The following TTK variants were observed in gnomAD, a reference collection of about 807,000 sequenced individuals.
TTK encodes the protein dual specificity protein kinase TTK.
Under a neutral mutation model 117.3 loss-of-function variants are expected in TTK, and 59 were observed. That is an observed-to-expected ratio of 0.50 (90% CI 0.41 to 0.62). The LOEUF is 0.62. TTK is among the 20% of genes least tolerant of loss of function. The pLI is 0.00. For synonymous variants in TTK, 302 were observed against 325.0 expected, an observed-to-expected ratio of 0.93 and a Z score of 0.76; for missense variants, 921 against 989.4, an observed-to-expected ratio of 0.93 and a Z score of 0.93.
At chr6:80,015,576 A>C (rs1004591693) in intron 10 of TTK, among the ~76,000 whole-genome samples, 1 of 152,170 alleles carries the variant, frequency 6.6e-6, no homozygotes, top group Admixed American at 6.5e-5. Context: ...GACACACACA[A>C]AAAAACATTA....
At chr6:80,036,448 A>G (rs1767908463) in intron 16 of TTK, 27 bp from the exon 17 acceptor site, 2 of 1,586,738 alleles carry the variant, frequency 1.3e-6, no homozygotes, top group Admixed American at 1.8e-5. Context: ...GCATTGTTTA[A>G]TATTACAGTG....
At chr6:80,014,429 T>A in intron 9 of TTK, 34 bp from the exon 10 acceptor site, 1 of 1,572,636 alleles carries the variant, frequency 6.4e-7, no homozygotes, top group Admixed American at 1.8e-5. Context: ...TACTACTATT[T>A]ATGGGACTTT....
chr6:80,006,179 G>C (rs763712704), intron 2 of TTK, 197 bp downstream of exon 2: 7 of 631,686 alleles, frequency 1.1e-5, no homozygotes, highest in South Asian at 1.1e-4. Context: ...GCACATGGTA[G>C]GTAGGCACTT....
Position 80,028,084 on chromosome 6 carries a change from C to G in TTK, c.1521+73C>G, listed in dbSNP as rs900821211. On this transcript the variant is annotated intron_variant, in intron 13 of 21. Coordinates refer to ENST00000369798, the MANE Select transcript of TTK (RefSeq NM_003318.5). ...TTTACAGCTTTTATTTTTATAGCATCTAGTTATCAAGAAAGGTCTTAAGAA... is the reference window on the plus strand; with the variant it reads ...TTTACAGCTTTTATTTTTATAGCATGTAGTTATCAAGAAAGGTCTTAAGAA... The G allele has an allele frequency of 2.8e-6, 4 of 1,425,496 alleles. No homozygotes were observed. The African/African-American group carries it at 5.9e-5, about 21-fold the overall frequency. The allele number at this position is 1,425,496 out of a possible 1,614,324, so 88.3% of individuals were successfully genotyped here.
chr6:80,022,764 C>T (rs1255737451), intron 11 of TTK, among the ~76,000 whole-genome samples: 3 of 152,072 alleles, frequency 2.0e-5, no homozygotes, highest in African/African-American at 7.2e-5. Context: ...CTTACTGGAA[C>T]ACTGACACAC....
At chr6:80,006,732 G>A (rs1767004145) in intron 2 of TTK, among the ~76,000 whole-genome samples, 1 of 152,126 alleles carries the variant, frequency 6.6e-6, no homozygotes, top group African/African-American at 2.4e-5. Context: ...AGCCACAGAT[G>A]GCAATGTGTG....
rs145815187 is a variant in TTK, at chr6:80,011,910, G to T, written c.826G>T (p.Val276Phe). The T allele has an allele frequency of 4.3e-6, 7 of 1,612,414 alleles. No individual in the cohort carries two copies. The African/African-American group carries it at 8.0e-5, about 18-fold the overall frequency. ...KQSCPFGRVP[V>F]NLLNSPDCDV... ...GTCATGCCCATTTGGAAGAGTCCCA[G>T]TTAACCTTCTAAATAGCCCAGATTG... Residue 276 changes from valine (V) to phenylalanine (F), a missense_variant, in exon 8 of 22, where the codon GTT becomes TTT. Transcript: ENST00000369798.
rs528155446 is a variant in TTK, at chr6:80,012,051, C to T, written c.896+71C>T. On this transcript the variant is annotated intron_variant, in intron 8 of 21. Transcript: ENST00000369798. ...ATTAATGGCAGAATGGTCTTAAAGT[C>T]TTTTACTGAGTAATAGTAATTATGA... The T allele has an allele frequency of 2.4e-4, 291 of 1,215,826 alleles. No individual in the cohort carries two copies. In the African/African-American group the frequency reaches 3.9e-3, roughly 16 times the overall value. 75.3% of individuals were successfully genotyped at this position (1,215,826 alleles called of 1,614,324 possible).
Position 80,005,907 on chromosome 6 carries a change from G to A in TTK, c.64G>A (p.Asp22Asn), listed in dbSNP as rs567093928. The A allele has an allele frequency of 3.7e-6, 6 of 1,612,432 alleles. No individual in the cohort carries two copies. Among genetic ancestry groups the A allele is most frequent in the Non-Finnish European group, 5.1e-6 (6 of 1,179,580 alleles). Residue 22 changes from aspartate (D) to asparagine (N), a missense_variant, in exon 2 of 22, where the codon GAC becomes AAC. Transcript: ENST00000369798. ...TGATTCCATAATGAACAAAGTGAGA[G>A]ACATTAAAAATAAGTTTAAAAATGA... ...TIDSIMNKVR[D>N]IKNKFKNEDL...
intron 15 of TTK, 47 bp downstream of exon 15, chr6:80,035,189 C>T (rs765389020): frequency 3.7e-5 from 57 of 1,525,756 alleles, no homozygotes; most frequent in Non-Finnish European, 4.7e-5. Flanking sequence ...TGCCATAATT[C>T]TTCAGGTAAA....
intron 8 of TTK, among the ~76,000 whole-genome samples, chr6:80,012,897 G>A (rs944973237): frequency 3.3e-5 from 5 of 152,010 alleles, no homozygotes; most frequent in Non-Finnish European, 7.4e-5. Flanking sequence ...TCCTGTTATC[G>A]ATAGACAATG....
At chr6:80,009,840 G>A (rs1325759935) in intron 4 of TTK, among the ~76,000 whole-genome samples, 1 of 151,970 alleles carries the variant, frequency 6.6e-6, no homozygotes, top group Non-Finnish European at 1.5e-5. Context: ...TATAGGGATG[G>A]AGGACATTTC....
intron 8 of TTK, 152 bp downstream of exon 8, chr6:80,012,132 A>G: frequency 3.1e-6 from 2 of 636,682 alleles, no homozygotes; most frequent in Non-Finnish European, 4.9e-6. Context: ...GGAACAAAGG[A>G]ATGAGTGGAG....
intron 6 of TTK, 84 bp from the exon 7 acceptor site, chr6:80,011,645 G>A: frequency 6.5e-7 from 1 of 1,547,048 alleles, no homozygotes. Flanking sequence ...ATGTTTTCAT[G>A]TGTGTGATAA....
intron 10 of TTK, among the ~76,000 whole-genome samples, chr6:80,015,658 C>G (rs1410268456): frequency 6.6e-6 from 1 of 152,134 alleles, no homozygotes; most frequent in Non-Finnish European, 1.5e-5. Flanking sequence ...TTCTTGGCAT[C>G]TATTGTAACT....
In TTK at chr6:80,040,726, T is replaced by C. The variant is rs758314967; in HGVS notation, c.2490+23T>C. On this transcript the variant is annotated intron_variant, in intron 21 of 21. Coordinates refer to ENST00000369798, the MANE Select transcript of TTK (RefSeq NM_003318.5). ...AAAGTAAGTATGTCTATTCTTTACA[T>C]TAATTTTTACTGTTTTATATAGTGA... The C allele has an allele frequency of 1.9e-6, 3 of 1,600,806 alleles. No homozygotes were observed. In the South Asian group the frequency reaches 3.4e-5, roughly 18 times the overall value.
chr6:80,021,653 C>T (rs548418711), intron 10 of TTK, among the ~76,000 whole-genome samples: 1 of 152,226 alleles, frequency 6.6e-6, no homozygotes, highest in Admixed American at 6.5e-5. Context: ...TGGTGCAGGT[C>T]TGAATGTCTT....
chr6:80,009,966 C>G (rs1767099840), intron 4 of TTK, among the ~76,000 whole-genome samples: 1 of 152,016 alleles, frequency 6.6e-6, no homozygotes, highest in Non-Finnish European at 1.5e-5. Flanking sequence ...ACATGAAATT[C>G]TACCACTACT....
intron 10 of TTK, among the ~76,000 whole-genome samples, chr6:80,018,138 A>G (rs1306971917): frequency 6.6e-6 from 1 of 151,994 alleles, no homozygotes; most frequent in Non-Finnish European, 1.5e-5. Flanking sequence ...TCACATGATC[A>G]TGCCACTGCA....
Sources: gnomAD v4.1 joint callset for allele counts (sites outside exome capture counted in the v4.1 genomes callset) on GRCh38, gnomAD v4.1.1 for gene constraint, MANE v1.5 for transcripts, NCBI Gene and HGNC (gene_info 2026-07-23, HGNC 2026-07-21) for gene names.